RHOH: variants seen among roughly 807,000 people sequenced by gnomAD.
RHOH encodes rho-related GTP-binding protein RhoH.
In RHOH, 6 loss-of-function variants were observed where a neutral mutation model predicts 13.8. That is an observed-to-expected ratio of 0.44 (90% CI 0.24 to 0.86). The LOEUF is 0.86. Ranked by LOEUF, RHOH falls within the 40% of genes least tolerant of loss-of-function variation. The pLI, the probability that RHOH is intolerant of heterozygous loss-of-function variation, is 0.24. For synonymous variants in RHOH, 117 were observed against 103.0 expected, an observed-to-expected ratio of 1.14 and a Z score of -0.82; for missense variants, 147 against 244.5, an observed-to-expected ratio of 0.60 and a Z score of 2.66.
chr4:40,197,590 C>G (rs539118664), intron 1 of RHOH, among the ~76,000 whole-genome samples: 1 of 152,240 alleles, frequency 6.6e-6, no homozygotes, highest in Admixed American at 6.5e-5. Flanking sequence ...TGTGGCTGAG[C>G]TCAACTGTAT....
At chr4:40,241,135 A>G (rs1579344646) in intron 1 of RHOH, among the ~76,000 whole-genome samples, 1 of 152,234 alleles carries the variant, frequency 6.6e-6, no homozygotes, top group African/African-American at 2.4e-5. Context: ...ACGGAAGCCT[A>G]TGGAGCCCTC....
intron 1 of RHOH, among the ~76,000 whole-genome samples, chr4:40,221,889 A>G (rs1726630540): frequency 6.6e-6 from 1 of 152,226 alleles, no homozygotes. Context: ...GCAAAGGAAA[A>G]TTTATTGAAG....
Position 40,243,237 on chromosome 4 carries a change from T to A in RHOH, c.-150T>A. 1 of 602,046 alleles carries A rather than the reference T, an allele frequency of 1.7e-6. No homozygotes were observed. The highest frequency in any genetic ancestry group is 2.9e-6 in the Non-Finnish European group (1 of 345,032). The allele number at this position is 602,046 out of a possible 1,614,324, so 37.3% of individuals were successfully genotyped here. On this transcript the variant is annotated 5_prime_UTR_variant, in exon 3 of 3. An upstream open reading frame in the 5' UTR loses its in-frame stop. Transcript: ENST00000381799. The surrounding 1 kb of genome is among the most constrained non-coding windows in gnomAD (Gnocchi z 6.2). ...CGGTGCTTGGATGGGCAGGGAGAAG[T>A]AACATTCTGCAAATCGCCGTCAGAG...
intron 1 of RHOH, among the ~76,000 whole-genome samples, chr4:40,213,850 C>G (rs1725571777): frequency 6.6e-6 from 1 of 152,142 alleles, no homozygotes; most frequent in Non-Finnish European, 1.5e-5. Context: ...TTCCGCCTCC[C>G]AGGTTTAAGT....
intron 1 of RHOH, among the ~76,000 whole-genome samples, chr4:40,230,835 G>A (rs1159098937): frequency 2.6e-5 from 4 of 152,098 alleles, no homozygotes; most frequent in African/African-American, 9.7e-5. Flanking sequence ...GTTGGAGTTA[G>A]TGCTTCTAGG....
At chr4:40,193,443 C>G, upstream of RHOH, among the ~76,000 whole-genome samples, 1 of 136,160 alleles carries the variant, frequency 7.3e-6, no homozygotes, top group African/African-American at 2.7e-5. Context: ...CTCACCACTA[C>G]CCCTGTCGGT....
intron 1 of RHOH, among the ~76,000 whole-genome samples, chr4:40,202,921 T>C (rs1258162259): frequency 6.6e-6 from 1 of 152,200 alleles, no homozygotes; most frequent in East Asian, 1.9e-4. Context: ...AAATGATTTT[T>C]GTAGAGCAAT....
chr4:40,231,243 C>T (rs928997431), intron 1 of RHOH, among the ~76,000 whole-genome samples: 1 of 151,892 alleles, frequency 6.6e-6, no homozygotes, highest in Non-Finnish European at 1.5e-5. Flanking sequence ...TGTGAATAGA[C>T]CCGTACGATG....
chr4:40,199,847 C>T (rs1723728054), intron 1 of RHOH, among the ~76,000 whole-genome samples: 1 of 152,192 alleles, frequency 6.6e-6, no homozygotes, highest in African/African-American at 2.4e-5. Flanking sequence ...CATCCTCCTT[C>T]CCCATTCCAC....
At chr4:40,222,728 T>C (rs1179954824) in intron 1 of RHOH, among the ~76,000 whole-genome samples, 2 of 152,170 alleles carry the variant, frequency 1.3e-5, no homozygotes, top group Non-Finnish European at 2.9e-5. Context: ...GATCAAGGAG[T>C]CATTTCAACT....
intron 1 of RHOH, among the ~76,000 whole-genome samples, chr4:40,213,109 G>A (rs1223339411): frequency 1.3e-5 from 2 of 152,164 alleles, no homozygotes; most frequent in Non-Finnish European, 2.9e-5. Context: ...TCATGGTTGG[G>A]AAGACACTAG....
intron 1 of RHOH, among the ~76,000 whole-genome samples, chr4:40,201,671 CG>C (rs937241232): frequency 2.0e-5 from 3 of 150,900 alleles, no homozygotes; most frequent in South Asian, 4.2e-4. Context: ...TTTTTCGGGG[CG>C]GGGGGCAAGC....
upstream of RHOH, among the ~76,000 whole-genome samples, chr4:40,193,370 T>C (rs559535871): frequency 6.6e-6 from 1 of 152,274 alleles, no homozygotes; most frequent in East Asian, 1.9e-4. Context: ...GGACACGCCC[T>C]GGGGCTTGGG....
chr4:40,200,015 A>C (rs1048398653), intron 1 of RHOH, among the ~76,000 whole-genome samples: 1 of 152,166 alleles, frequency 6.6e-6, no homozygotes, highest in African/African-American at 2.4e-5. Context: ...TGGTGTCCTA[A>C]GGGAGGAGAC....
At chr4:40,192,806 C>A (rs376317394), upstream of RHOH, among the ~76,000 whole-genome samples, 27 of 152,196 alleles carry the variant, frequency 1.8e-4, no homozygotes, top group South Asian at 4.2e-4. Flanking sequence ...TCCTCGTTGC[C>A]CACGGTGGTT....
rs1229437089 is a variant in RHOH at position 40,218,124 on chromosome 4, G to A, written c.-331+20824G>A. 4 of 152,108 alleles carry A rather than the reference G, an allele frequency of 2.6e-5. No homozygotes were observed. The highest frequency in any genetic ancestry group is 1.3e-4 in the Admixed American group (2 of 15,272). The allele number at this position is 152,108 out of a possible 1,614,324, so 9.4% of individuals were successfully genotyped here. On this transcript the variant is annotated intron_variant, in intron 1 of 2. Transcript: ENST00000381799. This position sits in a 1 kb window ranked among gnomAD's most constrained non-coding sequence, Gnocchi z 4.1. ...AGGCAAGTGAGTGATAATGACCCAC[G>A]GCTGCCTTTTTGTCCGGCAAAGCAC...
intron 1 of RHOH, among the ~76,000 whole-genome samples, chr4:40,220,276 C>T (rs1297735612): frequency 6.6e-6 from 1 of 152,096 alleles, no homozygotes; most frequent in Non-Finnish European, 1.5e-5. Context: ...TCCTCTCCCC[C>T]TCCCCACCCC....
chr4:40,239,864 C>G (rs553740252), intron 1 of RHOH, among the ~76,000 whole-genome samples: 8 of 149,584 alleles, frequency 5.3e-5, no homozygotes, highest in African/African-American at 2.0e-4. Context: ...AGCAACAGAG[C>G]GAGACTCCGT....
Position 40,243,789 on chromosome 4 carries a change from G to A in RHOH, c.403G>A (p.Glu135Lys). ...CAGGGCCTCCTGCGTCAATGCCATG[G>A]AAGGGAAGAAACTGGCCCAGGATGT... ...PHRASCVNAM[E>K]GKKLAQDVRA... is the part of the protein sequence containing the mutation. Residue 135 changes from glutamate to lysine, a missense_variant, in exon 3 of 3, where the codon GAA becomes AAA. Glu to Lys is a moderately conservative substitution (Grantham distance 56). Coordinates refer to ENST00000381799, the MANE Select transcript of RHOH (RefSeq NM_004310.5). The surrounding 1 kb of genome is among the most constrained non-coding windows in gnomAD (Gnocchi z 6.2). 1 of 1,614,138 alleles carries A rather than the reference G, an allele frequency of 6.2e-7. No homozygotes were observed. Among genetic ancestry groups the A allele is most frequent in the Non-Finnish European group, 8.5e-7 (1 of 1,180,028 alleles).
Sources: allele counts gnomAD v4.1 joint callset (sites outside exome capture counted in the v4.1 genomes callset), GRCh38; gene constraint gnomAD v4.1.1; non-coding constraint Gnocchi (gnomAD v3.1); transcripts MANE v1.5; gene names NCBI Gene and HGNC (gene_info 2026-07-23, HGNC 2026-07-21).